CALN1: variants seen among roughly 807,000 people sequenced by gnomAD.
The protein encoded by CALN1 is calneuron 1, also known as calcium-binding protein 8.
Under a neutral mutation model 30.6 loss-of-function variants are expected in CALN1, and 17 were observed. The ratio of observed to expected loss-of-function variants is 0.56; its 90% CI spans 0.38 to 0.83. The LOEUF (loss-of-function observed/expected upper bound fraction) is 0.83. CALN1 is among the 40% of genes least tolerant of loss of function. The probability of loss-of-function intolerance (pLI) is 0.00; values close to 1 mark genes in which losing one functional copy is unlikely to be tolerated. For synonymous variants in CALN1, 156 were observed against 131.4 expected (o/e 1.19, Z -1.28); for missense variants, 291 against 354.9 (o/e 0.82, Z 1.45).
At chr7:72,031,222 G>C (rs934335477) in intron 4 of CALN1, among the ~76,000 whole-genome samples, 8 of 152,294 alleles carry the variant, frequency 5.3e-5, no homozygotes, top group African/African-American at 1.9e-4. Context: ...TTCTTACCAA[G>C]CGAGTGCTAT....
chr7:72,182,800 C>T (rs10274382), intron 3 of CALN1, among the ~76,000 whole-genome samples: 34,540 of 150,162 alleles, frequency 0.23, 4,445 homozygotes, highest in Middle Eastern at 0.34. Flanking sequence ...ATAGAAAAGA[C>T]GTTCTAGATA....
At chr7:71,790,329 GGAAAGAAAGAAAGAAAGAAAA>G (rs1793265387) in intron 6 of CALN1, among the ~76,000 whole-genome samples, 2 of 98,696 alleles carry the variant, frequency 2.0e-5, no homozygotes, top group Non-Finnish European at 4.2e-5. Flanking sequence ...AAAGAAAGAA[GGAAAGAAAGAAAGAAAGAAAA>G]GAAAGAAAGA....
chr7:71,896,959 A>G (rs1327054250), intron 5 of CALN1, among the ~76,000 whole-genome samples: 1 of 152,162 alleles, frequency 6.6e-6, no homozygotes, highest in African/African-American at 2.4e-5. Flanking sequence ...GGTTTTCCCT[A>G]TATTCTACAT....
At chr7:71,896,532 T>C (rs1293820693) in intron 5 of CALN1, among the ~76,000 whole-genome samples, 2 of 152,172 alleles carry the variant, frequency 1.3e-5, no homozygotes, top group Non-Finnish European at 2.9e-5. Context: ...ACACCGAAAT[T>C]AGATGAGAAT....
At chr7:71,894,441 T>A (rs1793427153) in intron 5 of CALN1, among the ~76,000 whole-genome samples, 1 of 120,600 alleles carries the variant, frequency 8.3e-6, no homozygotes, top group Non-Finnish European at 1.7e-5. Context: ...ATTTTTAAAT[T>A]TTTTTTGTAG....
intron 5 of CALN1, among the ~76,000 whole-genome samples, chr7:71,900,889 T>C (rs1793810722): frequency 6.6e-6 from 1 of 152,210 alleles, no homozygotes; most frequent in Admixed American, 6.5e-5. Flanking sequence ...GCATGTACAG[T>C]AACTGTGCAC....
At chr7:71,941,350 CAAA>C (rs397759526) in intron 5 of CALN1, among the ~76,000 whole-genome samples, 2 of 128,472 alleles carry the variant, frequency 1.6e-5, no homozygotes, top group African/African-American at 3.0e-5. Context: ...GACTGCATCT[CAAA>C]AAAAAAAAAA....
chr7:71,820,786 T>C (rs1228602619), intron 5 of CALN1, among the ~76,000 whole-genome samples: 2 of 152,188 alleles, frequency 1.3e-5, no homozygotes, highest in Admixed American at 6.6e-5. Context: ...AGGTTTGAGC[T>C]TGAGAAAAAC....
chr7:71,865,245 G>C (rs1791520428), intron 5 of CALN1, among the ~76,000 whole-genome samples: 1 of 152,066 alleles, frequency 6.6e-6, no homozygotes, highest in African/African-American at 2.4e-5. Flanking sequence ...TACCCCCTTG[G>C]TGCTGCCCTG....
chr7:72,132,120 G>GC (rs753972173), intron 3 of CALN1, among the ~76,000 whole-genome samples: 3 of 152,036 alleles, frequency 2.0e-5, no homozygotes, highest in Non-Finnish European at 4.4e-5. Flanking sequence ...CTCTATAGAT[G>GC]CCCCCTCAAC....
At chr7:71,831,244 G>T (rs969685263) in intron 5 of CALN1, among the ~76,000 whole-genome samples, 6 of 152,152 alleles carry the variant, frequency 3.9e-5, no homozygotes, top group African/African-American at 1.4e-4. Flanking sequence ...ATTTTGGAAG[G>T]CCGAGGCAGG....
chr7:72,072,189 A>G (rs1011203933), intron 4 of CALN1, among the ~76,000 whole-genome samples: 1 of 152,210 alleles, frequency 6.6e-6, no homozygotes, highest in Non-Finnish European at 1.5e-5. Flanking sequence ...TTCATCTAAG[A>G]TGAACTCAAA....
intron 3 of CALN1, among the ~76,000 whole-genome samples, chr7:72,160,924 T>C (rs1788064583): frequency 6.6e-6 from 1 of 152,134 alleles, no homozygotes; most frequent in African/African-American, 2.4e-5. Flanking sequence ...AGAAGTCAAA[T>C]ACTCACTTCC....
chr7:71,993,852 C>T (rs1799094691), intron 5 of CALN1, among the ~76,000 whole-genome samples: 1 of 152,152 alleles, frequency 6.6e-6, no homozygotes, highest in Admixed American at 6.6e-5. Context: ...CAAAATTAAA[C>T]AACCTTCTCA....
chr7:72,467,190 C>G, the CALN1 span, among the ~76,000 whole-genome samples: 3 of 152,198 alleles, frequency 2.0e-5, no homozygotes, highest in African/African-American at 7.2e-5. Flanking sequence ...CCCGAGAGCT[C>G]TCAGGCCCTC....
intron 4 of CALN1, among the ~76,000 whole-genome samples, chr7:72,053,965 A>C (rs1803009976): frequency 6.6e-6 from 1 of 152,096 alleles, no homozygotes; most frequent in Non-Finnish European, 1.5e-5. Context: ...AAATGCTGTT[A>C]ATTCATTCCT....
chr7:72,487,963 G>A, the CALN1 span, among the ~76,000 whole-genome samples: 1 of 114,990 alleles, frequency 8.7e-6, no homozygotes, highest in Non-Finnish European at 1.9e-5. Flanking sequence ...GGAAAGGAAG[G>A]AAGGAAGGAA....
intron 3 of CALN1, among the ~76,000 whole-genome samples, chr7:72,230,461 T>A (rs1439991540): frequency 1.3e-5 from 2 of 148,226 alleles, no homozygotes; most frequent in Non-Finnish European, 3.0e-5. Context: ...TGAGTCATGA[T>A]CACGCCGCTG....
At chr7:71,843,139 T>G (rs1790030326) in intron 5 of CALN1, among the ~76,000 whole-genome samples, 1 of 152,196 alleles carries the variant, frequency 6.6e-6, no homozygotes, top group Non-Finnish European at 1.5e-5. Flanking sequence ...TCCACCATAA[T>G]TTCTACATCT....
Sources: allele counts gnomAD v4.1 joint callset (sites outside exome capture counted in the v4.1 genomes callset), GRCh38; gene constraint gnomAD v4.1.1; transcripts MANE v1.5; gene names NCBI Gene and HGNC (gene_info 2026-07-23, HGNC 2026-07-21).